LYST: variants seen among roughly 807,000 people sequenced by gnomAD.
LYST encodes the protein lysosomal trafficking regulator, also known as lysosomal-trafficking regulator.
A neutral mutation model predicts 413.6 loss-of-function variants in LYST; 192 were observed. That is an observed-to-expected ratio of 0.46 (90% CI 0.41 to 0.52). The LOEUF (loss-of-function observed/expected upper bound fraction) is 0.52. Ranked by LOEUF, LYST falls within the 20% of genes least tolerant of loss-of-function variation. The pLI is 0.00. For missense variants in LYST, 3,815 were observed against 4,499.9 expected, an observed-to-expected ratio of 0.85 and a Z score of 4.35; for synonymous variants, 1,525 against 1,567.3, an observed-to-expected ratio of 0.97 and a Z score of 0.64.
intron 47 of LYST, among the ~76,000 whole-genome samples, chr1:235,691,822 G>A (rs1282266774): frequency 2.0e-5 from 3 of 150,002 alleles, no homozygotes; most frequent in East Asian, 2.0e-4. Context: ...TCAGCCTCCC[G>A]AGTAGCTGGG....
chr1:235,712,315 G>A, intron 42 of LYST, 118 bp from the exon 43 acceptor site: 2 of 748,582 alleles, frequency 2.7e-6, no homozygotes, highest in Non-Finnish European at 2.2e-6. Flanking sequence ...AATTTTGTTT[G>A]CCCATAGTTT....
rs1256789641 is a variant in LYST at position 235,808,441 on chromosome 1, A to G, written c.2363+14T>C. 3 of 1,599,316 alleles carry G rather than the reference A, an allele frequency of 1.9e-6. No individual in the cohort carries two copies. The Admixed American group carries it at 5.1e-5, about 27-fold the overall frequency. On this transcript the variant is annotated intron_variant, in intron 5 of 52. Coordinates refer to ENST00000389793, the MANE Select transcript of LYST (RefSeq NM_000081.4). ...ACAACCCCCGCCCCCGCCGCCACCC[A>G]CACACATACAAACCTGGATTTAAGC...
At chr1:235,873,483 C>T (rs1681023047) in intron 1 of LYST, among the ~76,000 whole-genome samples, 1 of 152,156 alleles carries the variant, frequency 6.6e-6, no homozygotes, top group Non-Finnish European at 1.5e-5. Flanking sequence ...ATTCCATGAT[C>T]TCACCCTAGA....
intron 1 of LYST, among the ~76,000 whole-genome samples, chr1:235,872,316 A>G (rs1414370525): frequency 2.5e-5 from 3 of 121,368 alleles, no homozygotes; most frequent in Non-Finnish European, 3.5e-5. Context: ...AAAAAAAAAA[A>G]AAAGTTTTAT....
intron 20 of LYST, among the ~76,000 whole-genome samples, chr1:235,768,474 TAAAGGC>T (rs1364847900): frequency 6.6e-6 from 1 of 152,078 alleles, no homozygotes; most frequent in Non-Finnish European, 1.5e-5. Context: ...TGAGGTAACT[TAAAGGC>T]AAAGACTAAG....
chr1:235,676,945 T>C, intron 50 of LYST, 146 bp downstream of exon 50: 2 of 700,758 alleles, frequency 2.9e-6, no homozygotes, highest in Non-Finnish European at 5.4e-6. Flanking sequence ...TGGACCATAT[T>C]GTATTTCTAT....
Position 235,729,623 on chromosome 1 carries a change from T to C in LYST, c.9079A>G (p.Arg3027Gly), listed in dbSNP as rs1253759113. The C allele has an allele frequency of 6.2e-7, 1 of 1,611,526 alleles. No homozygotes were observed. Among genetic ancestry groups the C allele is most frequent in the East Asian group, 2.2e-5 (1 of 44,760 alleles). ...NRRCISVAPS[R>G]ETAGELLLGK... ...AGTAACAATTCACCAGCTGTCTCTC[T>C]AGATGGTGCAACACTGATGCATCTT... The change falls in exon 37 of 53, where the codon AGA becomes GGA. Residue 3027 changes from arginine to glycine, a missense_variant. Around this residue, in one of 4 missense-constraint regions of LYST, gnomAD observed 866 missense variants for 1,156.0 expected, o/e 0.75. Coordinates refer to ENST00000389793, the MANE Select transcript of LYST (RefSeq NM_000081.4).
Position 235,787,212 on chromosome 1 carries a change from A to C in LYST, c.4850T>G (p.Val1617Gly). 1.2e-6 allele frequency: 2 copies of C among 1,613,480 alleles called. No individual in the cohort carries two copies. Residue 1617 changes from valine to glycine, a missense_variant, in exon 14 of 53, where the codon GTC (valine) becomes GGC (glycine). Around this residue, in one of 4 missense-constraint regions of LYST, gnomAD observed 530 missense variants for 696.5 expected, o/e 0.76. Transcript: ENST00000389793. ...RRIHGKISIW[V>G]SGQRKPDVTL... is the part of the protein sequence containing the mutation. ...AAATGCTTCCTACCTCTGTCCAGAG[A>C]CCCATATGGAGATTTTCCCATGAAT... is the stretch of plus-strand genomic sequence containing the variant.
chr1:235,693,279 C>T (rs372508236), intron 47 of LYST, 71 bp downstream of exon 47: 117 of 1,163,022 alleles, frequency 1.0e-4, no homozygotes, highest in Non-Finnish European at 1.2e-4. Flanking sequence ...TGTGTCACTG[C>T]GCTCCAGCTT....
intron 3 of LYST, among the ~76,000 whole-genome samples, chr1:235,828,408 G>A (rs1415259079): frequency 6.6e-6 from 1 of 152,070 alleles, no homozygotes; most frequent in Non-Finnish European, 1.5e-5. Flanking sequence ...CACATAAAAT[G>A]GGTGAATTTT....
rs1664462563 is a variant in LYST at position 235,732,408 on chromosome 1, T to A, written c.8801+1095A>T. Among the ~76,000 whole-genome samples the A allele has an allele frequency of 1.3e-5, 2 of 152,098 alleles. 1 individual carries two copies. Among genetic ancestry groups the A allele is most frequent in the Admixed American group, 1.3e-4 (2 of 15,264 alleles). On this transcript the variant is annotated intron_variant, in intron 34 of 52. Transcript: ENST00000389793. The stretch of plus-strand genomic sequence containing the variant: ...GCCTTGAACTCCTGGGCTCAAGTGA[T>A]CCTCCCGCCTCAGCCTCCCAAAGTA...
At chr1:235,701,742 A>G (rs78462166) in intron 45 of LYST, among the ~76,000 whole-genome samples, 11,244 of 152,324 alleles carry the variant, frequency 0.074, 544 homozygotes, top group Middle Eastern at 0.13. Context: ...CAAAAAATAT[A>G]GTTTTCTATT....
intron 1 of LYST, among the ~76,000 whole-genome samples, chr1:235,844,206 T>C (rs1677531317): frequency 6.6e-6 from 1 of 152,172 alleles, no homozygotes; most frequent in African/African-American, 2.4e-5. Context: ...GATTAGCAAC[T>C]TTCTCAAAGA....
rs1263854242 is a variant in LYST, at chr1:235,782,092, A to G, written c.4863-5T>C. On this transcript the variant is annotated splice_region_variant and splice_polypyrimidine_tract_variant and intron_variant, in intron 14 of 52. Transcript: ENST00000389793. ...TCCAAAGTAACATCAGGCTTCCTAC[A>G]TTAAAAACAAAACAAAGTTAAAGCA... The G allele has an allele frequency of 6.2e-7, 1 of 1,609,604 alleles. No individual in the cohort carries two copies. The highest frequency in any genetic ancestry group is 8.5e-7 in the Non-Finnish European group (1 of 1,177,114).
intron 34 of LYST, 107 bp downstream of exon 34, chr1:235,733,396 T>G: frequency 1.1e-6 from 1 of 946,322 alleles, no homozygotes; most frequent in Non-Finnish European, 1.7e-6. Context: ...AAAAAATTGT[T>G]TAATGAAATG....
Position 235,778,098 on chromosome 1 carries a change from A to AATATATATATATATATATAT in LYST, c.5215-810_5215-791dup, listed in dbSNP as rs139907712. On this transcript the variant is annotated intron_variant, in intron 16 of 52. Coordinates refer to ENST00000389793, the MANE Select transcript of LYST (RefSeq NM_000081.4). ...CCACCACACCCAGTTAACCCAGTTA[A>AATATATATATATATATATAT]ATATATATATATATATATATATATT... 6.9e-4 allele frequency among the ~76,000 whole-genome samples: 88 copies of AATATATATATATATATATAT among 128,012 alleles called. 2 individuals carry two copies. The highest frequency in any genetic ancestry group is 2.7e-3 in the African/African-American group (73 of 26,702). The allele number at this position is 128,012 out of a possible 152,430, so 84.0% of individuals were successfully genotyped here.
chr1:235,857,063 A>G (rs1288786741), intron 1 of LYST, among the ~76,000 whole-genome samples: 1 of 150,856 alleles, frequency 6.6e-6, no homozygotes, highest in Non-Finnish European at 1.5e-5. Flanking sequence ...CTCATGCCTC[A>G]GCCTCCTCAG....
intron 1 of LYST, among the ~76,000 whole-genome samples, chr1:235,866,411 C>T (rs1680525794): frequency 6.6e-6 from 1 of 152,206 alleles, no homozygotes; most frequent in South Asian, 2.1e-4. Context: ...CTCCCATCGT[C>T]AACCTGACAG....
At chr1:235,823,550 T>A (rs1675008838) in intron 3 of LYST, among the ~76,000 whole-genome samples, 1 of 152,262 alleles carries the variant, frequency 6.6e-6, no homozygotes, top group African/African-American at 2.4e-5. Flanking sequence ...TAAGACTTCT[T>A]AACATGGTAT....
Sources: gnomAD v4.1 joint callset for allele counts (sites outside exome capture counted in the v4.1 genomes callset) on GRCh38, gnomAD v4.1.1 for gene constraint, gnomAD v4.1.1 regional missense constraint, MANE v1.5 for transcripts, NCBI Gene and HGNC (gene_info 2026-07-23, HGNC 2026-07-21) for gene names.